The following IPO7 variants were observed in gnomAD, a reference collection of about 807,000 sequenced individuals.
The protein encoded by IPO7 is importin 7.
A neutral mutation model predicts 136.4 loss-of-function variants in IPO7; 13 were observed. The observed-to-expected ratio is 0.10, with a 90% CI of 0.06 to 0.15. IPO7 has a LOEUF of 0.15. Ranked by LOEUF, IPO7 falls within the 10% of genes least tolerant of loss-of-function variation. The probability of loss-of-function intolerance (pLI) is 1.00; values close to 1 mark genes in which losing one functional copy is unlikely to be tolerated. For missense variants in IPO7, 857 were observed against 1,240.6 expected (o/e 0.69, Z 4.65); for synonymous variants, 403 against 404.4 (o/e 1.00, Z 0.04).
intron 20 of IPO7, among the ~76,000 whole-genome samples, chr11:9,437,266 A>G (rs1477022633): frequency 1.3e-5 from 2 of 148,990 alleles, no homozygotes; most frequent in Non-Finnish European, 3.0e-5. Context: ...TTTATTTCAT[A>G]TATTTTTTTG....
At chr11:9,437,053 T>C (rs1472945858) in intron 20 of IPO7, among the ~76,000 whole-genome samples, 1 of 148,594 alleles carries the variant, frequency 6.7e-6, no homozygotes, top group Admixed American at 6.8e-5. Flanking sequence ...CCTGGCTAAT[T>C]TTTTATATTT....
At chr11:9,397,118 G>A (rs1453448877) in intron 1 of IPO7, among the ~76,000 whole-genome samples, 1 of 150,916 alleles carries the variant, frequency 6.6e-6, no homozygotes, top group Non-Finnish European at 1.5e-5. Context: ...AAAAACAGTG[G>A]TGGTTTTTGT....
intron 6 of IPO7, among the ~76,000 whole-genome samples, chr11:9,419,559 A>AAAAAAAAAATATAT (rs1256216265): frequency 2.8e-4 from 33 of 116,842 alleles, no homozygotes; most frequent in African/African-American, 1.2e-3. Context: ...AAAAAAAAAA[A>AAAAAAAAAATATAT]ATATATATAT....
At chr11:9,426,268 A>G (rs1459667507) in intron 12 of IPO7, among the ~76,000 whole-genome samples, 4 of 152,224 alleles carry the variant, frequency 2.6e-5, no homozygotes, top group Non-Finnish European at 4.4e-5. Context: ...AAATGGAATC[A>G]TATAATACGT....
intron 1 of IPO7, among the ~76,000 whole-genome samples, chr11:9,399,200 G>A (rs950827033): frequency 2.1e-5 from 3 of 143,644 alleles, no homozygotes; most frequent in African/African-American, 7.7e-5. Context: ...TTTCACTCTT[G>A]TTGCCCAGGC....
chr11:9,391,406 AAAAAT>A (rs1303881289), intron 1 of IPO7, among the ~76,000 whole-genome samples: 2 of 148,520 alleles, frequency 1.3e-5, no homozygotes, highest in African/African-American at 2.5e-5. Context: ...TCAAAAAAAG[AAAAAT>A]AAAATAAAAG....
chr11:9,433,838 A>T lies in IPO7; in HGVS notation c.2066A>T (p.Tyr689Phe). 6.2e-7 allele frequency: 1 copy of T among 1,610,392 alleles called. No individual in the cohort carries two copies. The highest frequency in any genetic ancestry group is 8.5e-7 in the Non-Finnish European group (1 of 1,179,750). ...FEVFQQDGFD[Y>F]FTDMMPLLHN... ...GTCTTTCAGCAAGATGGCTTTGATT[A>T]CTTTACAGGTGAGTCAAAGCAGCAT... is the stretch of plus-strand genomic sequence containing the variant. Residue 689 changes from tyrosine (Y) to phenylalanine (F), a missense_variant, in exon 18 of 25, where the codon TAC becomes TTC. By Grantham distance (22) the Tyr-to-Phe change is conservative. Coordinates refer to ENST00000379719, the MANE Select transcript of IPO7 (RefSeq NM_006391.3).
Position 9,429,711 on chromosome 11 carries a change from G to T in IPO7, c.1629G>T (p.Met543Ile). Residue 543 changes from methionine to isoleucine, a missense_variant, in exon 15 of 25, where the codon ATG becomes ATT. Around this residue, in one of 11 missense-constraint regions of IPO7, gnomAD observed 58 missense variants for 122.1 expected, o/e 0.47. Transcript: ENST00000379719. The part of the protein sequence containing the change: ...EYITPFIRPV[M>I]QALLHIIRET... The stretch of plus-strand genomic sequence containing the variant: ...TCACACCATTCATCAGACCTGTAAT[G>T]CAGGCTCTTCTTCACATTATAAGAG... 6.2e-7 allele frequency: 1 copy of T among 1,608,796 alleles called. No homozygotes were observed. The highest frequency in any genetic ancestry group is 8.5e-7 in the Non-Finnish European group (1 of 1,178,318).
chr11:9,433,696 C>T (rs1855331109), intron 17 of IPO7, 25 bp from the exon 18 acceptor site: 1 of 1,613,020 alleles, frequency 6.2e-7, no homozygotes, highest in South Asian at 1.1e-5. Context: ...AAGCATTTTC[C>T]TAATGACTTA....
intron 1 of IPO7, among the ~76,000 whole-genome samples, chr11:9,391,136 CACGCCTGTAAT>C (rs1854627385): frequency 1.3e-5 from 2 of 152,120 alleles, no homozygotes; most frequent in East Asian, 3.9e-4. Context: ...TGCGGTGGCT[CACGCCTGTAAT>C]CCAGCACTTT....
intron 1 of IPO7, among the ~76,000 whole-genome samples, chr11:9,390,768 A>AGGGAGACC (rs55866500): frequency 6.6e-6 from 1 of 151,606 alleles, no homozygotes; most frequent in African/African-American, 2.4e-5. Context: ...TGGGCAACAT[A>AGGGAGACC]CAAAAAAAAT....
chr11:9,414,430 T>A lies in IPO7; in HGVS notation c.636+19T>A. ...TGTTCAGGTAATATCTGTGAAGCAGTTTTTATGCATAAAAAGTTAGTCTGT... is the reference window on the plus strand; with the variant it reads ...TGTTCAGGTAATATCTGTGAAGCAGATTTTATGCATAAAAAGTTAGTCTGT... On this transcript the variant is annotated intron_variant, in intron 5 of 24. Coordinates refer to ENST00000379719, the MANE Select transcript of IPO7 (RefSeq NM_006391.3). The A allele has an allele frequency of 6.6e-7, 1 of 1,507,078 alleles. No individual in the cohort carries two copies. Among genetic ancestry groups the A allele is most frequent in the South Asian group, 1.3e-5 (1 of 79,328 alleles). The allele number at this position is 1,507,078 out of a possible 1,614,324, so 93.4% of individuals were successfully genotyped here.
chr11:9,404,280 A>G (rs57888063), intron 2 of IPO7, among the ~76,000 whole-genome samples: 4,291 of 151,986 alleles, frequency 0.028, 164 homozygotes, highest in East Asian at 0.099. Context: ...CCTGGCTAAC[A>G]CGGTGAAACC....
At chr11:9,421,621 C>G (rs1855130526) in intron 8 of IPO7, among the ~76,000 whole-genome samples, 1 of 148,008 alleles carries the variant, frequency 6.8e-6, no homozygotes. Flanking sequence ...GAGCAAGACT[C>G]CATCTCAAAA....
intron 6 of IPO7, among the ~76,000 whole-genome samples, chr11:9,419,620 GAT>G (rs1373066562): frequency 6.3e-5 from 9 of 142,476 alleles, no homozygotes; most frequent in Non-Finnish European, 1.2e-4. Context: ...AATGTATAAT[GAT>G]CCAATTCCTT....
chr11:9,417,311 T>C (rs957466023), intron 6 of IPO7, among the ~76,000 whole-genome samples, 163 bp downstream of exon 6: 2 of 152,190 alleles, frequency 1.3e-5, no homozygotes, highest in Non-Finnish European at 2.9e-5. Context: ...ATATATGCAT[T>C]ACATCTGTAC....
chr11:9,426,947 C>T (rs988831866), intron 12 of IPO7, among the ~76,000 whole-genome samples: 3 of 151,304 alleles, frequency 2.0e-5, no homozygotes, highest in East Asian at 2.0e-4. Flanking sequence ...GGCGCAATCT[C>T]GACTCACTGC....
intron 2 of IPO7, among the ~76,000 whole-genome samples, chr11:9,404,404 G>A (rs1343471051): frequency 6.6e-6 from 1 of 151,648 alleles, no homozygotes; most frequent in Non-Finnish European, 1.5e-5. Flanking sequence ...GGCGGAGCTT[G>A]CAGTGAGCCG....
intron 1 of IPO7, among the ~76,000 whole-genome samples, chr11:9,401,934 G>A (rs1334279872): frequency 6.6e-6 from 1 of 152,102 alleles, no homozygotes; most frequent in Non-Finnish European, 1.5e-5. Flanking sequence ...ATTGCAATCC[G>A]CCTGCCTTGG....
Sources: gnomAD v4.1 joint callset for allele counts (sites outside exome capture counted in the v4.1 genomes callset) on GRCh38, gnomAD v4.1.1 for gene constraint, gnomAD v4.1.1 regional missense constraint, MANE v1.5 for transcripts, NCBI Gene and HGNC (gene_info 2026-07-23, HGNC 2026-07-21) for gene names.